ST18: variants seen among roughly 807,000 people sequenced by gnomAD.
ST18 encodes suppression of tumorigenicity 18 protein.
In ST18, 50 loss-of-function variants were observed where a neutral mutation model predicts 110.0. The observed-to-expected ratio is 0.45, with a 90% CI of 0.36 to 0.58. The LOEUF (loss-of-function observed/expected upper bound fraction) is 0.58. Among genes scored for constraint, ST18 ranks in the 20% least tolerant of loss-of-function variants. The pLI is 0.00. For missense variants in ST18, 1,306 were observed against 1,280.1 expected (o/e 1.02, Z -0.31); for synonymous variants, 461 against 452.4 (o/e 1.02, Z -0.24).
At chr8:52,125,196 G>C (rs2131120654) in intron 23 of ST18, among the ~76,000 whole-genome samples, 1 of 152,242 alleles carries the variant, frequency 6.6e-6, no homozygotes, top group Admixed American at 6.5e-5. Flanking sequence ...TTGGAGAGGG[G>C]ATTGACACTA....
At chr8:52,335,183 T>C (rs1402030464) in intron 2 of ST18, among the ~76,000 whole-genome samples, 3 of 152,192 alleles carry the variant, frequency 2.0e-5, no homozygotes, top group African/African-American at 7.2e-5. Flanking sequence ...ACCCTAAACT[T>C]AATACATCCA....
chr8:52,318,242 C>T (rs956202338), intron 2 of ST18, among the ~76,000 whole-genome samples: 8 of 152,004 alleles, frequency 5.3e-5, no homozygotes, highest in African/African-American at 1.4e-4. Context: ...GGGCAAAGGA[C>T]GTGAACAGAC....
intron 2 of ST18, among the ~76,000 whole-genome samples, chr8:52,266,861 G>A (rs947710660): frequency 1.3e-5 from 2 of 152,142 alleles, no homozygotes; most frequent in East Asian, 3.9e-4. Context: ...AGAAAGTGTT[G>A]GTGGCTTGGG....
At chr8:52,317,277 T>C (rs1041958990) in intron 2 of ST18, among the ~76,000 whole-genome samples, 1 of 152,162 alleles carries the variant, frequency 6.6e-6, no homozygotes, top group African/African-American at 2.4e-5. Flanking sequence ...CTAAATCCAA[T>C]AATATGTCCT....
At chr8:52,332,854 A>C (rs2140094982) in intron 2 of ST18, among the ~76,000 whole-genome samples, 1 of 152,180 alleles carries the variant, frequency 6.6e-6, no homozygotes, top group African/African-American at 2.4e-5. Context: ...CTGTCAAAAA[A>C]CAAACAAACA....
Position 52,142,990 on chromosome 8 carries a change from G to C in ST18, c.2108C>G (p.Ala703Gly), listed in dbSNP as rs2055804576. Reference sequence around the variant, plus strand: ...CTTGGGTTTAGGGCTTGGTATAGAGGCCTCTCCAGGAAACTTTTTTTCCTC... The same window carrying C: ...CTTGGGTTTAGGGCTTGGTATAGAGCCCTCTCCAGGAAACTTTTTTTCCTC... Reference protein sequence around the residue: ...NLEEKKFPGEASIPSPKPKLH... With the variant: ...NLEEKKFPGEGSIPSPKPKLH... The change falls in exon 17 of 26, where the codon GCC (alanine) becomes GGC (glycine). Residue 703 changes from alanine to glycine, a missense_variant. Physicochemically the swap from Ala to Gly is moderately conservative, Grantham distance 60. Transcript: ENST00000689386. 1 of 1,614,078 alleles carries C rather than the reference G, an allele frequency of 6.2e-7. No individual in the cohort carries two copies. Among genetic ancestry groups the C allele is most frequent in the Non-Finnish European group, 8.5e-7 (1 of 1,179,992 alleles).
chr8:52,358,648 G>C (rs1408938333), intron 2 of ST18, among the ~76,000 whole-genome samples: 1 of 151,804 alleles, frequency 6.6e-6, no homozygotes, highest in Non-Finnish European at 1.5e-5. Context: ...ACTGACTCGA[G>C]AAGAAATAGA....
At chr8:52,290,283 T>C (rs1235173005) in intron 2 of ST18, among the ~76,000 whole-genome samples, 1 of 152,134 alleles carries the variant, frequency 6.6e-6, no homozygotes, top group East Asian at 1.9e-4. Flanking sequence ...CTTGGTGGGC[T>C]GGGCATTTGA....
chr8:52,364,448 A>T (rs1480933659), intron 2 of ST18, among the ~76,000 whole-genome samples: 4 of 152,162 alleles, frequency 2.6e-5, no homozygotes, highest in Non-Finnish European at 4.4e-5. Flanking sequence ...TTGCATTCAG[A>T]TGGGTATACG....
chr8:52,138,645 T>G (rs1244286912), intron 17 of ST18, among the ~76,000 whole-genome samples: 1 of 152,224 alleles, frequency 6.6e-6, no homozygotes, highest in African/African-American at 2.4e-5. Flanking sequence ...CTTCCACAAT[T>G]AATAGATTCC....
intron 2 of ST18, among the ~76,000 whole-genome samples, chr8:52,344,861 C>A (rs144974820): frequency 7.9e-5 from 12 of 152,004 alleles, no homozygotes; most frequent in Non-Finnish European, 1.5e-4. Context: ...TTACCATGTG[C>A]CAATAACCAT....
chr8:52,219,646 A>T (rs2085859294), intron 5 of ST18, among the ~76,000 whole-genome samples: 1 of 152,190 alleles, frequency 6.6e-6, no homozygotes, highest in Admixed American at 6.5e-5. Context: ...CAAAGGAAAA[A>T]ATAGATTCAG....
At position 52,113,190 on chromosome 8, in the gene ST18, C is replaced by G. The variant is rs765814553; in HGVS notation, c.*8G>C. 4 of 1,613,688 alleles carry G rather than the reference C, an allele frequency of 2.5e-6. No individual in the cohort carries two copies. The Admixed American group carries it at 5.0e-5, about 20-fold the overall frequency. ...TGGTAACTTCTGTTGCCCGGCAGCG[C>G]TGTGATCCTACACATGGATACCCTT... is the stretch of plus-strand genomic sequence containing the variant. On this transcript the variant is annotated 3_prime_UTR_variant, in exon 26 of 26. Transcript: ENST00000689386.
intron 2 of ST18, among the ~76,000 whole-genome samples, chr8:52,318,786 T>G (rs1245078501): frequency 2.0e-5 from 3 of 152,164 alleles, no homozygotes; most frequent in Admixed American, 1.3e-4. Flanking sequence ...TGCAGGGACA[T>G]GGATGGATTA....
chr8:52,111,039 G>T lies in ST18; in HGVS notation c.*2159C>A. On this transcript the variant is annotated 3_prime_UTR_variant, in exon 26 of 26. Transcript: ENST00000689386. ...TATTGATCATTAACATAGTTGAAAA[G>T]AAAACAAATTCAGTGCACATTACAA... 1 of 398,554 alleles carries T rather than the reference G, an allele frequency of 2.5e-6. No individual in the cohort carries two copies. Among genetic ancestry groups the T allele is most frequent in the Non-Finnish European group, 4.4e-6 (1 of 225,848 alleles). The allele number at this position is 398,554 out of a possible 1,614,324, so 24.7% of individuals were successfully genotyped here.
At chr8:52,308,184 G>A (rs1383812692) in intron 2 of ST18, among the ~76,000 whole-genome samples, 1 of 152,048 alleles carries the variant, frequency 6.6e-6, no homozygotes, top group Non-Finnish European at 1.5e-5. Flanking sequence ...CTGCTCTCTT[G>A]TACCAAGACT....
chr8:52,385,690 C>T (rs542201707), intron 2 of ST18, among the ~76,000 whole-genome samples: 2 of 151,360 alleles, frequency 1.3e-5, no homozygotes, highest in South Asian at 4.2e-4. Flanking sequence ...TGCCCCAGAG[C>T]CCTCGCTTAA....
chr8:52,270,569 G>A (rs2095040966), intron 2 of ST18, among the ~76,000 whole-genome samples: 1 of 152,074 alleles, frequency 6.6e-6, no homozygotes, highest in Non-Finnish European at 1.5e-5. Context: ...AAATTACTAA[G>A]TCTGTGACAT....
At chr8:52,125,895 A>G (rs755634853) in intron 23 of ST18, 157 bp downstream of exon 23, 3 of 638,604 alleles carry the variant, frequency 4.7e-6, no homozygotes, top group Non-Finnish European at 7.7e-6. Context: ...TGGTTTTTAA[A>G]CAAAGTTATA....
Sources: allele counts gnomAD v4.1 joint callset (sites outside exome capture counted in the v4.1 genomes callset), GRCh38; gene constraint gnomAD v4.1.1; transcripts MANE v1.5; gene names NCBI Gene and HGNC (gene_info 2026-07-23, HGNC 2026-07-21).